TCF7L2: variants seen among roughly 807,000 people sequenced by gnomAD.
The protein encoded by TCF7L2 is transcription factor 7-like 2.
Under a neutral mutation model 77.9 loss-of-function variants are expected in TCF7L2, and 23 were observed. The ratio of observed to expected loss-of-function variants is 0.30; its 90% CI spans 0.21 to 0.42. TCF7L2 has a LOEUF of 0.42. Ranked by LOEUF, TCF7L2 falls within the 10% of genes least tolerant of loss-of-function variation. The pLI is 1.00. For synonymous variants in TCF7L2, 413 were observed against 340.2 expected, an observed-to-expected ratio of 1.21 and a Z score of -2.36; for missense variants, 654 against 793.1, an observed-to-expected ratio of 0.82 and a Z score of 2.11.
At chr10:113,005,506 C>T (rs1000620992) in intron 4 of TCF7L2, among the ~76,000 whole-genome samples, 3 of 152,158 alleles carry the variant, frequency 2.0e-5, no homozygotes, top group African/African-American at 2.4e-5. Flanking sequence ...CTTTGGGAGA[C>T]ACCCTCTCCC....
chr10:113,031,633 G>A (rs866602997), intron 4 of TCF7L2, among the ~76,000 whole-genome samples: 8 of 152,014 alleles, frequency 5.3e-5, no homozygotes, highest in South Asian at 2.1e-4. Flanking sequence ...CATAACAGGC[G>A]CCTGCCACCA....
chr10:112,964,714 AATGATGATG>A (rs982801293), intron 4 of TCF7L2, 90 bp downstream of exon 4: 2 of 949,416 alleles, frequency 2.1e-6, no homozygotes, highest in Non-Finnish European at 3.1e-6. Flanking sequence ...CAACTGAGAT[AATGATGATG>A]ATGATGATGA....
rs1417960604 is a variant in TCF7L2, at chr10:113,146,026, G to A, written c.804G>A (p.Val268=). 2.5e-6 allele frequency: 4 copies of A among 1,602,562 alleles called. No individual in the cohort carries two copies. In the East Asian group the frequency reaches 6.8e-5, roughly 27 times the overall value. ...TTCTTTGTAGGCAAGGTCAACCAGT[G>A]TACCCAATCACGACAGGAGGATTCA... The change falls in exon 8 of 14, where the codon GTG becomes GTA. Residue 268 remains valine, a synonymous_variant. Transcript: ENST00000627217.
chr10:113,081,312 C>A (rs565889740), intron 5 of TCF7L2, among the ~76,000 whole-genome samples: 2 of 152,372 alleles, frequency 1.3e-5, no homozygotes, highest in Non-Finnish European at 2.9e-5. Context: ...CGCACCAATA[C>A]TACTTCCCAA....
chr10:113,058,266 A>G (rs1303518689), intron 5 of TCF7L2, among the ~76,000 whole-genome samples: 1 of 152,028 alleles, frequency 6.6e-6, no homozygotes, highest in Non-Finnish European at 1.5e-5. Flanking sequence ...ATCACCATTT[A>G]TTTCAGTGTC....
At chr10:112,992,999 A>G (rs2042851528) in intron 4 of TCF7L2, among the ~76,000 whole-genome samples, 1 of 151,800 alleles carries the variant, frequency 6.6e-6, no homozygotes, top group Non-Finnish European at 1.5e-5. Context: ...TCCTGACCTC[A>G]TAATCCACCC....
At chr10:113,067,703 C>T (rs1471516297) in intron 5 of TCF7L2, among the ~76,000 whole-genome samples, 1 of 152,102 alleles carries the variant, frequency 6.6e-6, no homozygotes, top group Admixed American at 6.6e-5. Context: ...AGTCCTTAGC[C>T]CAGTTAGAAA....
intron 5 of TCF7L2, among the ~76,000 whole-genome samples, chr10:113,060,408 T>C (rs2134857016): frequency 6.6e-6 from 1 of 152,348 alleles, no homozygotes; most frequent in South Asian, 2.1e-4. Context: ...AAGCAGTGAC[T>C]GAGCTTACTT....
intron 5 of TCF7L2, among the ~76,000 whole-genome samples, chr10:113,046,734 T>G (rs771445853): frequency 6.1e-4 from 93 of 152,314 alleles, no homozygotes; most frequent in South Asian, 2.1e-4. Flanking sequence ...AAACGTAGCT[T>G]TCTTCATTCA....
intron 3 of TCF7L2, among the ~76,000 whole-genome samples, chr10:112,960,972 C>G (rs989083851): frequency 6.6e-6 from 1 of 152,066 alleles, no homozygotes; most frequent in African/African-American, 2.4e-5. Context: ...GGATTACAGG[C>G]GCGAGCCATT....
At chr10:113,118,522 T>G (rs1412404071) in intron 5 of TCF7L2, among the ~76,000 whole-genome samples, 17 of 116,844 alleles carry the variant, frequency 1.5e-4, no homozygotes, top group African/African-American at 3.5e-4. Flanking sequence ...ATCTGGGGGG[T>G]GTGTGTGTGT....
intron 5 of TCF7L2, among the ~76,000 whole-genome samples, chr10:113,098,124 C>T (rs1372138169): frequency 1.3e-5 from 2 of 151,594 alleles, no homozygotes; most frequent in African/African-American, 4.8e-5. Flanking sequence ...TAGGTCCTTT[C>T]CCTGCCCTTC....
intron 5 of TCF7L2, among the ~76,000 whole-genome samples, chr10:113,135,245 T>G (rs888789596): frequency 6.6e-6 from 1 of 152,200 alleles, no homozygotes; most frequent in Non-Finnish European, 1.5e-5. Flanking sequence ...GCGCTATGCT[T>G]AAGGGTTCTT....
chr10:113,136,038 G>A (rs920192150), intron 5 of TCF7L2, among the ~76,000 whole-genome samples: 1 of 151,968 alleles, frequency 6.6e-6, no homozygotes, highest in Non-Finnish European at 1.5e-5. Flanking sequence ...GTGTAGAAGT[G>A]GGGTGGTGGA....
At chr10:112,996,711 C>T (rs1381568033) in intron 4 of TCF7L2, among the ~76,000 whole-genome samples, 1 of 152,148 alleles carries the variant, frequency 6.6e-6, no homozygotes, top group Admixed American at 6.5e-5. Context: ...TTTAGCTGTT[C>T]AGTCAGAACC....
chr10:113,068,146 A>G (rs543552459), intron 5 of TCF7L2, among the ~76,000 whole-genome samples: 41 of 152,346 alleles, frequency 2.7e-4, no homozygotes, highest in Middle Eastern at 6.8e-3. Flanking sequence ...CTAGGAGGCC[A>G]TTGATCACAC....
intron 12 of TCF7L2, among the ~76,000 whole-genome samples, chr10:113,159,691 A>G (rs1313500826): frequency 2.0e-5 from 3 of 152,200 alleles, no homozygotes; most frequent in African/African-American, 7.2e-5. Context: ...TCAAAAGTTG[A>G]ATAAGAATGT....
intron 4 of TCF7L2, among the ~76,000 whole-genome samples, chr10:113,020,713 A>G (rs570112078): frequency 7.9e-5 from 12 of 152,110 alleles, no homozygotes; most frequent in South Asian, 2.1e-4. Flanking sequence ...GGATATTACT[A>G]TTACCTTCAT....
chr10:113,114,312 A>C (rs895104631), intron 5 of TCF7L2, among the ~76,000 whole-genome samples: 1 of 152,150 alleles, frequency 6.6e-6, no homozygotes, highest in African/African-American at 2.4e-5. Flanking sequence ...ATTAGCACTG[A>C]GATTTCTGTG....
Sources: gnomAD v4.1 joint callset for allele counts (sites outside exome capture counted in the v4.1 genomes callset) on GRCh38, gnomAD v4.1.1 for gene constraint, MANE v1.5 for transcripts, NCBI Gene and HGNC (gene_info 2026-07-23, HGNC 2026-07-21) for gene names.